The following NPSR1 variants were observed in gnomAD, a reference collection of about 807,000 sequenced individuals.
NPSR1 encodes neuropeptide S receptor 1, also known as neuropeptide S receptor.
Under a neutral mutation model 46.9 loss-of-function variants are expected in NPSR1, and 48 were observed. The observed-to-expected ratio is 1.02, with a 90% CI of 0.81 to 1.30. NPSR1 has a LOEUF of 1.30. Among genes scored for constraint, NPSR1 ranks in the 50% most tolerant of loss-of-function variants. NPSR1 has a pLI of 0.00. For missense variants in NPSR1, 450 were observed against 449.5 expected, an observed-to-expected ratio of 1.00 and a Z score of -0.01; for synonymous variants, 176 against 168.1, an observed-to-expected ratio of 1.05 and a Z score of -0.36.
In NPSR1 at chr7:34,874,534, G is replaced by A. The variant is rs13307415; in HGVS notation, c.1026-3542G>A. On this transcript the variant is annotated intron_variant, in intron 8 of 8. Coordinates refer to the NPSR1 transcript ENST00000359791. ...CTACCCCTGGAATTGCGCAAGGGCC[G>A]CAATAGTCAGAAATGGATTATTTCA... Among the ~76,000 whole-genome samples, 32 of 152,196 alleles carry A rather than the reference G, an allele frequency of 2.1e-4. No homozygotes were observed. In the East Asian group the frequency reaches 2.5e-3, roughly 12 times the overall value.
intron 6 of NPSR1, 85 bp from the exon 7 acceptor site, chr7:34,844,811 C>A: frequency 1.1e-6 from 1 of 894,366 alleles, no homozygotes; most frequent in South Asian, 1.3e-5. Context: ...AAACTGGAGT[C>A]TAACCTTTAA....
At chr7:34,750,757 C>G in intron 2 of NPSR1, 1 of 693,492 alleles carries the variant, frequency 1.4e-6, no homozygotes, top group South Asian at 1.4e-5. Context: ...CTGTGAGGGG[C>G]AGCTGTGACA....
At chr7:34,847,212 CG>C (rs1790767396) in intron 7 of NPSR1, among the ~76,000 whole-genome samples, 1 of 152,124 alleles carries the variant, frequency 6.6e-6, no homozygotes, top group South Asian at 2.1e-4. Context: ...ACAGTTATGA[CG>C]GAAAGCTTGT....
In NPSR1 at chr7:34,717,258, G is replaced by A. The variant is rs984656076; in HGVS notation, c.280+32574G>A. Among the ~76,000 whole-genome samples, 22 of 152,200 alleles carry A rather than the reference G, an allele frequency of 1.4e-4. No individual in the cohort carries two copies. In the East Asian group the frequency reaches 3.5e-3, roughly 24 times the overall value. ...AGCGATTCTCCTGCCTCAGCCTCCC[G>A]AGTAGCTTCGATTACAGGCATGTGC... On this transcript the variant is annotated intron_variant, in intron 2 of 8. Coordinates refer to ENST00000360581, the MANE Select transcript of NPSR1 (RefSeq NM_207172.2).
Position 34,688,764 on chromosome 7 carries a change from C to A in NPSR1, c.280+4080C>A, listed in dbSNP as rs372399154. Among the ~76,000 whole-genome samples, 5 of 152,198 alleles carry A rather than the reference C, an allele frequency of 3.3e-5. No individual in the cohort carries two copies. The East Asian group carries it at 9.6e-4, about 29-fold the overall frequency. Reference sequence around the variant, plus strand: ...TACATTCCCCAGGAAAACTTTGTGGCAGTAGTGGTCTCTCTCCACCTTGCT... The same window carrying A: ...TACATTCCCCAGGAAAACTTTGTGGAAGTAGTGGTCTCTCTCCACCTTGCT... On this transcript the variant is annotated intron_variant, in intron 2 of 8. Coordinates refer to ENST00000360581, the MANE Select transcript of NPSR1 (RefSeq NM_207172.2).
intron 2 of NPSR1, chr7:34,750,913 C>G (rs1266781309): frequency 1.4e-6 from 1 of 734,066 alleles, no homozygotes; most frequent in African/African-American, 1.7e-5. Context: ...GGCACTTCCT[C>G]CACCCCCAGC....
chr7:34,723,106 C>G (rs918592591), intron 2 of NPSR1, among the ~76,000 whole-genome samples: 1 of 152,166 alleles, frequency 6.6e-6, no homozygotes, highest in Non-Finnish European at 1.5e-5. Context: ...TCCGTCCATC[C>G]TGGCTGCAGC....
intron 5 of NPSR1, 49 bp downstream of exon 5, chr7:34,827,651 G>GCCC: frequency 1.6e-6 from 1 of 613,368 alleles, no homozygotes; most frequent in Non-Finnish European, 2.9e-6. Context: ...GGCGGGGGGG[G>GCCC]CTTTCCTGTT....
chr7:34,789,125 A>G (rs1479647320), intron 3 of NPSR1, among the ~76,000 whole-genome samples: 5 of 152,046 alleles, frequency 3.3e-5, no homozygotes, highest in African/African-American at 1.2e-4. Flanking sequence ...ACATCATAAC[A>G]AAGCTTATGG....
intron 3 of NPSR1, among the ~76,000 whole-genome samples, chr7:34,803,509 T>C (rs775731885): frequency 1.1e-4 from 16 of 151,832 alleles, no homozygotes; most frequent in Non-Finnish European, 1.8e-4. Flanking sequence ...TAGGTGGGAA[T>C]TGGACAATGA....
intron 3 of NPSR1, among the ~76,000 whole-genome samples, chr7:34,805,303 A>G (rs1482380945): frequency 6.6e-6 from 1 of 151,906 alleles, no homozygotes; most frequent in East Asian, 1.9e-4. Flanking sequence ...CATAATCAAG[A>G]CAGCATGGTA....
chr7:34,746,941 G>T (rs1210994172), intron 2 of NPSR1, among the ~76,000 whole-genome samples: 2 of 151,902 alleles, frequency 1.3e-5, no homozygotes, highest in Non-Finnish European at 2.9e-5. Context: ...TCTGGCCAAC[G>T]TGGTGAAACC....
At chr7:34,690,894 C>T (rs563590574) in intron 2 of NPSR1, among the ~76,000 whole-genome samples, 23 of 152,222 alleles carry the variant, frequency 1.5e-4, no homozygotes, top group Non-Finnish European at 2.2e-4. Context: ...GAAGACACAT[C>T]GTGAGAAGAA....
At chr7:34,720,541 A>T (rs1583876858) in intron 2 of NPSR1, among the ~76,000 whole-genome samples, 1 of 152,276 alleles carries the variant, frequency 6.6e-6, no homozygotes, top group East Asian at 1.9e-4. Flanking sequence ...GTGAGTTGGG[A>T]AAAGTTCTCT....
intron 2 of NPSR1, among the ~76,000 whole-genome samples, chr7:34,734,613 T>C (rs1039459217): frequency 1.3e-5 from 2 of 152,154 alleles, no homozygotes; most frequent in African/African-American, 4.8e-5. Flanking sequence ...TTTTCTTTGG[T>C]TGGGAAAAGT....
chr7:34,774,286 T>A lies in NPSR1; in HGVS notation c.281-4176T>A, dbSNP rs376233447. On this transcript the variant is annotated intron_variant, in intron 2 of 8. Transcript: ENST00000360581. ...CAGCTAGTCATAGAGAACCCCCATA[T>A]AGCCATAAGTGTGAGCTATGCAAGG... Among the ~76,000 whole-genome samples, 6 of 152,178 alleles carry A rather than the reference T, an allele frequency of 3.9e-5. No homozygotes were observed. In the South Asian group the frequency reaches 6.2e-4, roughly 16 times the overall value.
At chr7:34,706,013 C>T (rs1012758077) in intron 2 of NPSR1, among the ~76,000 whole-genome samples, 1 of 151,552 alleles carries the variant, frequency 6.6e-6, no homozygotes. Context: ...CACTCCACAA[C>T]AATAATGATT....
intron 2 of NPSR1, among the ~76,000 whole-genome samples, chr7:34,736,060 A>G (rs11983674): frequency 0.023 from 3,439 of 152,288 alleles, 119 homozygotes; most frequent in African/African-American, 0.078. Flanking sequence ...GTGATAAAAC[A>G]TATAAGATTG....
At chr7:34,695,405 G>A (rs2392275) in intron 2 of NPSR1, among the ~76,000 whole-genome samples, 33,666 of 152,030 alleles carry the variant, frequency 0.22, 3,999 homozygotes, top group South Asian at 0.34. Flanking sequence ...ACTAGGCAAA[G>A]AATTTATGAC....
Sources: gnomAD v4.1 joint callset for allele counts (sites outside exome capture counted in the v4.1 genomes callset) on GRCh38, gnomAD v4.1.1 for gene constraint, MANE v1.5 for transcripts, NCBI Gene and HGNC (gene_info 2026-07-23, HGNC 2026-07-21) for gene names.